Variants in CFAP61 observed in about 807,000 individuals in gnomAD.
CFAP61 encodes cilia- and flagella-associated protein 61.
In CFAP61, 107 loss-of-function variants were observed where a neutral mutation model predicts 135.6. That is an observed-to-expected ratio of 0.79 (90% CI 0.67 to 0.93). CFAP61 has a LOEUF of 0.93. Ranked by LOEUF, CFAP61 falls within the 40% of genes least tolerant of loss-of-function variation. The pLI is 0.00. For synonymous variants in CFAP61, 575 were observed against 578.5 expected, an observed-to-expected ratio of 0.99 and a Z score of 0.09; for missense variants, 1,507 against 1,556.2, an observed-to-expected ratio of 0.97 and a Z score of 0.53.
chr20:20,329,669 A>C (rs1182306472), intron 25 of CFAP61, among the ~76,000 whole-genome samples: 1 of 152,166 alleles, frequency 6.6e-6, no homozygotes, highest in East Asian at 1.9e-4. Context: ...ATACACAAGC[A>C]TTTAGAGTCT....
intron 1 of CFAP61, among the ~76,000 whole-genome samples, chr20:20,053,346 C>T (rs1356257371): frequency 1.3e-5 from 2 of 152,178 alleles, no homozygotes; most frequent in African/African-American, 4.8e-5. Context: ...GTACCTCTTC[C>T]CTCCTCTAAC....
rs2050438957 is a variant in CFAP61 at position 20,246,155 on chromosome 20, C to T, written c.2099C>T (p.Thr700Ile). ...TTTAATAATCTTACCCTGATTTCAA[C>T]TCATGGACTCCCAGGAAAAAAACTT... ...MKFNNLTLIS[T>I]HGLPGKKLLD... The change falls in exon 19 of 27, where the codon ACT becomes ATT. Residue 700 changes from threonine (T) to isoleucine (I), a missense_variant. Transcript: ENST00000245957. The T allele has an allele frequency of 1.2e-6, 2 of 1,613,176 alleles. No homozygotes were observed. The highest frequency in any genetic ancestry group is 1.7e-6 in the Non-Finnish European group (2 of 1,179,306).
intron 25 of CFAP61, among the ~76,000 whole-genome samples, chr20:20,321,494 A>T (rs918395508): frequency 7.9e-5 from 12 of 152,246 alleles, no homozygotes; most frequent in Admixed American, 7.8e-4. Flanking sequence ...ATTTAAGGTA[A>T]AAAGGAGAAT....
chr20:20,075,265 C>G lies in CFAP61; in HGVS notation c.439+9C>G, dbSNP rs200993375. 1 of 1,613,380 alleles carries G rather than the reference C, an allele frequency of 6.2e-7. No individual in the cohort carries two copies. Among genetic ancestry groups the G allele is most frequent in the Non-Finnish European group, 8.5e-7 (1 of 1,179,380 alleles). On this transcript the variant is annotated intron_variant, in intron 5 of 26. Transcript: ENST00000245957. ...ATCCTACATGAGCCTAGGTAAGGCC[C>G]GCCCAACCACCTCTGGTCCCCGGTA...
intron 1 of CFAP61, 93 bp downstream of exon 1, chr20:20,052,684 A>G: frequency 6.2e-7 from 1 of 1,613,138 alleles, no homozygotes; most frequent in Non-Finnish European, 8.5e-7. Flanking sequence ...AACTGGGATG[A>G]CCAGGCGAGG....
At chr20:20,060,149 T>C (rs997288954) in intron 2 of CFAP61, among the ~76,000 whole-genome samples, 1 of 151,442 alleles carries the variant, frequency 6.6e-6, no homozygotes, top group Admixed American at 6.6e-5. Context: ...GCCACAATAG[T>C]AGTCAGAAGA....
At chr20:20,063,516 A>G (rs1000750628) in intron 2 of CFAP61, among the ~76,000 whole-genome samples, 1 of 152,220 alleles carries the variant, frequency 6.6e-6, no homozygotes, top group Non-Finnish European at 1.5e-5. Context: ...ATCTCAATAA[A>G]CAGAGACAAA....
At chr20:20,101,527 C>T (rs2048018072) in intron 8 of CFAP61, among the ~76,000 whole-genome samples, 1 of 152,184 alleles carries the variant, frequency 6.6e-6, no homozygotes, top group East Asian at 1.9e-4. Context: ...GGCAAGGTAA[C>T]GTCTTATCTT....
intron 8 of CFAP61, among the ~76,000 whole-genome samples, chr20:20,109,934 C>G (rs2048683434): frequency 6.7e-6 from 1 of 148,216 alleles, no homozygotes; most frequent in African/African-American, 2.5e-5. Context: ...GAGACGGAGT[C>G]TCGCTCTTGT....
intron 26 of CFAP61, among the ~76,000 whole-genome samples, chr20:20,358,916 C>T (rs556249491): frequency 6.6e-5 from 10 of 152,340 alleles, no homozygotes; most frequent in African/African-American, 2.4e-4. Flanking sequence ...TCCACAGACT[C>T]TTGATCTAGG....
chr20:20,332,215 G>T (rs867957300), intron 25 of CFAP61, among the ~76,000 whole-genome samples: 3 of 152,200 alleles, frequency 2.0e-5, no homozygotes, highest in Non-Finnish European at 4.4e-5. Context: ...TTCCCACCAT[G>T]GCAAAGTGTG....
intron 26 of CFAP61, among the ~76,000 whole-genome samples, chr20:20,354,955 G>GGGAGGTGGTCACACTGTGA (rs2059009707): frequency 6.2e-5 from 1 of 16,140 alleles, no homozygotes; most frequent in Non-Finnish European, 1.5e-4. Context: ...TCACACTGAG[G>GGGAGGTGGTCACACTGTGA]GGAAGTGGTC....
chr20:20,189,161 C>T lies in CFAP61; in HGVS notation c.1512+1105C>T, dbSNP rs369053077. The stretch of plus-strand genomic sequence containing the variant: ...AATTTTTAAGTCATCAGGAGGGAGA[C>T]GCCAAACACCTAAACATAATGTCAT... On this transcript the variant is annotated intron_variant, in intron 14 of 26. Transcript: ENST00000245957. Among the ~76,000 whole-genome samples the T allele has an allele frequency of 2.6e-5, 4 of 152,132 alleles. No individual in the cohort carries two copies. The South Asian group carries it at 6.2e-4, about 24-fold the overall frequency.
chr20:20,116,256 T>C (rs1487171101), intron 8 of CFAP61, among the ~76,000 whole-genome samples: 1 of 152,194 alleles, frequency 6.6e-6, no homozygotes, highest in African/African-American at 2.4e-5. Context: ...AAATGTCTAT[T>C]CAGATCTTTT....
chr20:20,106,430 A>C (rs543001436), intron 8 of CFAP61, among the ~76,000 whole-genome samples: 1 of 152,360 alleles, frequency 6.6e-6, no homozygotes, highest in Admixed American at 6.5e-5. Context: ...GCAGACAGCA[A>C]CATGACTGAG....
intron 6 of CFAP61, among the ~76,000 whole-genome samples, chr20:20,083,381 A>G (rs1568859484): frequency 6.6e-6 from 1 of 152,086 alleles, no homozygotes; most frequent in African/African-American, 2.4e-5. Flanking sequence ...AATCCAACCT[A>G]TTGGGTACAG....
At chr20:20,160,614 G>A (rs1601066611) in intron 10 of CFAP61, among the ~76,000 whole-genome samples, 1 of 152,190 alleles carries the variant, frequency 6.6e-6, no homozygotes, top group Admixed American at 6.5e-5. Context: ...TGCATGGAGG[G>A]GAGGAGAAAA....
At chr20:20,148,054 T>G (rs2052050299) in intron 9 of CFAP61, among the ~76,000 whole-genome samples, 1 of 152,190 alleles carries the variant, frequency 6.6e-6, no homozygotes, top group Non-Finnish European at 1.5e-5. Context: ...AAAGACTAGT[T>G]GGCTGTTAAG....
In CFAP61 at chr20:20,277,296, C is replaced by A. The variant is rs768963910; in HGVS notation, c.2634C>A (p.Asn878Lys). Residue 878 changes from asparagine (N) to lysine (K), a missense_variant, in exon 22 of 27, where the codon AAC becomes AAA. Coordinates refer to ENST00000245957, the MANE Select transcript of CFAP61 (RefSeq NM_015585.4). ...PPPASTITCI[N>K]NYSVESAVAD... ...CCGCCTCCACCATCACCTGCATCAA[C>A]AACTACTCGGTGGAGAGCGCCGTGG... 5.6e-6 allele frequency: 9 copies of A among 1,614,196 alleles called. No individual in the cohort carries two copies. Among genetic ancestry groups the A allele is most frequent in the Middle Eastern group, 1.6e-4 (1 of 6,062 alleles).
Sources: gnomAD v4.1 joint callset for allele counts (sites outside exome capture counted in the v4.1 genomes callset) on GRCh38, gnomAD v4.1.1 for gene constraint, MANE v1.5 for transcripts, NCBI Gene and HGNC (gene_info 2026-07-23, HGNC 2026-07-21) for gene names.